ALOX5: variants seen among roughly 807,000 people sequenced by gnomAD.
ALOX5 encodes the protein polyunsaturated fatty acid 5-lipoxygenase.
Under a neutral mutation model 87.9 loss-of-function variants are expected in ALOX5, and 64 were observed. That is an observed-to-expected ratio of 0.73 (90% CI 0.60 to 0.90). The LOEUF is 0.90. Among genes scored for constraint, ALOX5 ranks in the 40% least tolerant of loss-of-function variants. The pLI, the probability that ALOX5 is intolerant of heterozygous loss-of-function variation, is 0.00. For missense variants in ALOX5, 822 were observed against 907.5 expected (o/e 0.91, Z 1.21); for synonymous variants, 388 against 355.1 (o/e 1.09, Z -1.04).
Position 45,424,033 on chromosome 10 carries a change from G to C in ALOX5, c.555-8G>C. 6.2e-7 allele frequency: 1 copy of C among 1,611,350 alleles called. No homozygotes were observed. The highest frequency in any genetic ancestry group is 8.5e-7 in the Non-Finnish European group (1 of 1,177,492). Reference sequence around the variant, plus strand: ...TGTGCGCAAGGTGACCTCTCTCCTGGTCTGCAGGATGGAGAACCTGTTCAT... The same window carrying C: ...TGTGCGCAAGGTGACCTCTCTCCTGCTCTGCAGGATGGAGAACCTGTTCAT... On this transcript the variant is annotated splice_region_variant and splice_polypyrimidine_tract_variant and intron_variant, in intron 4 of 13. Coordinates refer to ENST00000374391, the MANE Select transcript of ALOX5 (RefSeq NM_000698.5).
chr10:45,392,229 G>C (rs867298611), intron 2 of ALOX5, among the ~76,000 whole-genome samples: 1 of 152,222 alleles, frequency 6.6e-6, no homozygotes. Context: ...CATTGAGAAC[G>C]GGCCATGATG....
Position 45,409,877 on chromosome 10 carries a change from G to A in ALOX5, c.432-2314G>A, listed in dbSNP as rs192699586. ...GCAGTAGTGAACTAGCAAGCAAGCTGTCCTGTCTCCATGTGCTGTGAGGCC... is the reference window on the plus strand; with the variant it reads ...GCAGTAGTGAACTAGCAAGCAAGCTATCCTGTCTCCATGTGCTGTGAGGCC... On this transcript the variant is annotated intron_variant, in intron 3 of 13. Transcript: ENST00000374391. 2.2e-3 allele frequency among the ~76,000 whole-genome samples: 342 copies of A among 152,366 alleles called. 11 individuals are homozygous for A. The highest frequency in any genetic ancestry group is 0.02 in the Admixed American group (311 of 15,302).
chr10:45,428,399 G>A, intron 6 of ALOX5: 1 of 576,878 alleles, frequency 1.7e-6, no homozygotes, highest in Non-Finnish European at 3.0e-6. Context: ...CGAATGAGCT[G>A]CTGCCATTCC....
chr10:45,403,516 T>G (rs1840774396), intron 3 of ALOX5, among the ~76,000 whole-genome samples: 1 of 152,156 alleles, frequency 6.6e-6, no homozygotes. Context: ...CGGACAATGT[T>G]CTGATTTTTT....
chr10:45,425,090 G>C lies in ALOX5; in HGVS notation c.792G>C (p.Glu264Asp), dbSNP rs748481307. The stretch of plus-strand genomic sequence containing the variant: ...TCCCGGTGACCACGGAGATGGTAGA[G>C]TGCAGCCTGGAGCGGCAGCTCAGCT... Reference protein sequence around the residue: ...EKLPVTTEMVECSLERQLSLE... With the variant: ...EKLPVTTEMVDCSLERQLSLE... The change falls in exon 6 of 14, where the codon GAG becomes GAC. Residue 264 changes from glutamate (E) to aspartate (D), a missense_variant. Coordinates refer to ENST00000374391, the MANE Select transcript of ALOX5 (RefSeq NM_000698.5). The surrounding 1 kb of genome is among the most constrained non-coding windows in gnomAD (Gnocchi z 4.4). 6.2e-7 allele frequency: 1 copy of C among 1,613,922 alleles called. No individual in the cohort carries two copies. Among genetic ancestry groups the C allele is most frequent in the Non-Finnish European group, 8.5e-7 (1 of 1,180,050 alleles).
At chr10:45,402,317 G>C (rs963874444) in intron 3 of ALOX5, among the ~76,000 whole-genome samples, 1 of 152,104 alleles carries the variant, frequency 6.6e-6, no homozygotes, top group Non-Finnish European at 1.5e-5. Flanking sequence ...CCTCAAAACT[G>C]TCTTAGCTTC....
chr10:45,416,140 C>T (rs749438282), intron 4 of ALOX5, among the ~76,000 whole-genome samples: 3 of 152,092 alleles, frequency 2.0e-5, no homozygotes, highest in Non-Finnish European at 4.4e-5. Context: ...AACATTGTGT[C>T]GGTGTTTTGG....
intron 1 of ALOX5, 93 bp from the exon 2 acceptor site, chr10:45,382,390 C>A: frequency 7.4e-7 from 1 of 1,351,608 alleles, no homozygotes; most frequent in Non-Finnish European, 1.1e-6. Context: ...CCCTGTGCCA[C>A]AGCAGCATAC....
At chr10:45,386,356 C>T (rs776750798) in intron 2 of ALOX5, among the ~76,000 whole-genome samples, 31 of 151,490 alleles carry the variant, frequency 2.0e-4, no homozygotes, top group Non-Finnish European at 4.0e-4. Flanking sequence ...GTCCCAACTA[C>T]TTAGGAGGCT....
intron 9 of ALOX5, 174 bp from the exon 10 acceptor site, chr10:45,442,863 AC>A: frequency 1.5e-6 from 1 of 664,260 alleles, no homozygotes; most frequent in Non-Finnish European, 2.5e-6. Context: ...GCACCTCTCC[AC>A]CCGGCTGCCC....
At chr10:45,432,975 C>G (rs1841955893) in intron 7 of ALOX5, among the ~76,000 whole-genome samples, 1 of 152,160 alleles carries the variant, frequency 6.6e-6, no homozygotes, top group African/African-American at 2.4e-5. Flanking sequence ...ACCAATACTC[C>G]AGTGGAAAAA....
At chr10:45,419,336 C>T (rs756586438) in intron 4 of ALOX5, among the ~76,000 whole-genome samples, 1 of 152,132 alleles carries the variant, frequency 6.6e-6, no homozygotes, top group African/African-American at 2.4e-5. Context: ...ACGCTGGGCA[C>T]GAAGGAGGCT....
Position 45,443,836 on chromosome 10 carries a change from G to C in ALOX5, c.1674+8G>C, listed in dbSNP as rs781737499. The C allele has an allele frequency of 1.3e-6, 2 of 1,597,022 alleles. No individual in the cohort carries two copies. Among genetic ancestry groups the C allele is most frequent in the Non-Finnish European group, 1.7e-6 (2 of 1,172,684 alleles). ...GCGGTCAACTTCGGCCAGGTAGGCA[G>C]GGCCGGGCCCGCTGGGCAGGGCTCC... On this transcript the variant is annotated splice_region_variant and intron_variant, in intron 12 of 13. Coordinates refer to ENST00000374391, the MANE Select transcript of ALOX5 (RefSeq NM_000698.5).
intron 9 of ALOX5, chr10:45,442,749 A>G: frequency 2.4e-6 from 1 of 415,450 alleles, no homozygotes; most frequent in South Asian, 5.0e-5. Context: ...ACACCTGCCC[A>G]CGCCTGCTGC....
intron 2 of ALOX5, among the ~76,000 whole-genome samples, chr10:45,394,403 G>T (rs150758903): frequency 0.022 from 3,424 of 152,234 alleles, 123 homozygotes; most frequent in African/African-American, 0.078. Context: ...GCTAGCCATA[G>T]GTAGACAGCT....
chr10:45,388,572 G>A (rs1258822359), intron 2 of ALOX5, among the ~76,000 whole-genome samples: 1 of 152,240 alleles, frequency 6.6e-6, no homozygotes, highest in African/African-American at 2.4e-5. Flanking sequence ...TGATACTCGG[G>A]CAAACAGGGT....
At chr10:45,395,338 C>T (rs1056208438) in intron 2 of ALOX5, among the ~76,000 whole-genome samples, 4 of 152,132 alleles carry the variant, frequency 2.6e-5, no homozygotes, top group Non-Finnish European at 5.9e-5. Flanking sequence ...TCACCCTTCT[C>T]AGCAAACTAT....
intron 4 of ALOX5, among the ~76,000 whole-genome samples, chr10:45,415,387 A>G (rs1841242904): frequency 6.6e-6 from 1 of 152,218 alleles, no homozygotes; most frequent in Admixed American, 6.5e-5. Flanking sequence ...TTGAACAATG[A>G]GAACACTTGG....
intron 4 of ALOX5, among the ~76,000 whole-genome samples, chr10:45,422,791 C>T (rs1322691294): frequency 6.6e-6 from 1 of 152,204 alleles, no homozygotes; most frequent in African/African-American, 2.4e-5. Context: ...ATACCACAGA[C>T]CAGATGGCTT....
Sources: gnomAD v4.1 joint callset for allele counts (sites outside exome capture counted in the v4.1 genomes callset) on GRCh38, gnomAD v4.1.1 for gene constraint, Gnocchi (gnomAD v3.1) non-coding constraint, MANE v1.5 for transcripts, NCBI Gene and HGNC (gene_info 2026-07-23, HGNC 2026-07-21) for gene names.